The following AFDN variants were observed in gnomAD, a reference collection of about 807,000 sequenced individuals.
AFDN encodes afadin, adherens junction formation factor.
AFDN carries 68 observed loss-of-function variants against 216.6 expected under a neutral mutation model. The observed-to-expected ratio is 0.31, with a 90% confidence interval of 0.26 to 0.38. AFDN has a LOEUF of 0.38. AFDN is among the 10% of genes least tolerant of loss of function. The pLI is 1.00. For synonymous variants in AFDN, 868 were observed against 853.7 expected (o/e 1.02, Z -0.29); for missense variants, 2,136 against 2,342.0 (o/e 0.91, Z 1.82).
intron 1 of AFDN, among the ~76,000 whole-genome samples, chr6:167,853,688 GGTTGTGT>G (rs1286507320): frequency 6.6e-6 from 1 of 152,050 alleles, no homozygotes; most frequent in Non-Finnish European, 1.5e-5. Context: ...ACCAAATACA[GGTTGTGT>G]GTTTGTGTCC....
rs141985907 is a variant in AFDN at position 167,856,478 on chromosome 6, A to G, written c.106-8073A>G. ...GTGAAGTATAATTCTTTATGTGCAC[A>G]TACTCTTAGGTACTATTAAATTGGT... On this transcript the variant is annotated intron_variant, in intron 1 of 33. Coordinates refer to ENST00000683244, the MANE Select transcript of AFDN (RefSeq NM_001386888.1). Among the ~76,000 whole-genome samples the G allele has an allele frequency of 7.8e-3, 1,180 of 152,216 alleles. 9 individuals carry two copies. Among genetic ancestry groups the G allele is most frequent in the Admixed American group, 0.014 (219 of 15,278 alleles).
At chr6:167,897,327 A>G (rs893449895) in intron 10 of AFDN, among the ~76,000 whole-genome samples, 3 of 152,228 alleles carry the variant, frequency 2.0e-5, no homozygotes, top group African/African-American at 7.2e-5. Flanking sequence ...AGCATTAGGC[A>G]TTCGGTAAAT....
intron 9 of AFDN, among the ~76,000 whole-genome samples, chr6:167,894,944 C>T (rs778279823): frequency 6.6e-6 from 1 of 152,160 alleles, no homozygotes; most frequent in Non-Finnish European, 1.5e-5. Flanking sequence ...TTGTTTCACA[C>T]ATGATTACTT....
chr6:167,955,124 A>G (rs1417894024), intron 30 of AFDN, among the ~76,000 whole-genome samples: 1 of 152,180 alleles, frequency 6.6e-6, no homozygotes. Flanking sequence ...ATGCTTGCGT[A>G]TGGTATCTTT....
chr6:167,950,067 G>A (rs1795790037), intron 29 of AFDN, among the ~76,000 whole-genome samples: 1 of 152,130 alleles, frequency 6.6e-6, no homozygotes, highest in African/African-American at 2.4e-5. Context: ...GTTTTTATGT[G>A]GTCCATAGAT....
At chr6:167,911,235 G>A (rs369549951) in intron 14 of AFDN, 49 bp from the exon 15 acceptor site, 4 of 1,602,632 alleles carry the variant, frequency 2.5e-6, no homozygotes, top group African/African-American at 1.3e-5. Context: ...TTTCACATTC[G>A]TTTTTATTCT....
chr6:167,964,523 A>G (rs1430614689), intron 31 of AFDN: 3 of 1,065,834 alleles, frequency 2.8e-6, no homozygotes, highest in Non-Finnish European at 3.4e-6. Flanking sequence ...GATTCAATGA[A>G]AAATTGGGCT....
intron 1 of AFDN, among the ~76,000 whole-genome samples, chr6:167,849,666 C>T (rs1412937026): frequency 6.6e-6 from 1 of 151,992 alleles, no homozygotes; most frequent in African/African-American, 2.4e-5. Context: ...ATGTGTTAGC[C>T]TAGGATATTT....
intron 31 of AFDN, chr6:167,963,868 C>G (rs1268167752): frequency 9.4e-7 from 1 of 1,064,304 alleles, no homozygotes. Context: ...TTTGCTGTTG[C>G]TTTGCTGTTC....
intron 16 of AFDN, 145 bp downstream of exon 16, chr6:167,913,568 CT>C (rs1790676823): frequency 5.8e-6 from 4 of 689,630 alleles, no homozygotes; most frequent in South Asian, 3.9e-5. Flanking sequence ...TACTAAAACC[CT>C]TTTTGACTGT....
In AFDN at chr6:167,879,146, C is replaced by T. The variant is rs192339655; in HGVS notation, c.740-1214C>T. On this transcript the variant is annotated intron_variant, in intron 5 of 33. Coordinates refer to ENST00000683244, the MANE Select transcript of AFDN (RefSeq NM_001386888.1). ...CCTCTGCATTGGAACAGGAGAGCCC[C>T]TGGGCAGTGTGAGTGTGCACATGGT... 2.0e-5 allele frequency among the ~76,000 whole-genome samples: 3 copies of T among 152,272 alleles called. No homozygotes were observed. In the East Asian group the frequency reaches 5.8e-4, roughly 29 times the overall value.
rs746672402 is a variant in AFDN, at chr6:167,969,151, T to C, written c.5295T>C (p.Val1765=). ...ACCCAGGATCTACTGGAGCAGCTGT[T>C]GGAGCCCATGACGCCTGTCGGGATG... The part of the protein sequence containing the change: ...NSYPGSTGAA[V]GAHDACRDAK... The change falls in exon 33 of 34, where the codon GTT becomes GTC. Residue 1765 remains valine (V), a synonymous_variant. Coordinates refer to ENST00000683244, the MANE Select transcript of AFDN (RefSeq NM_001386888.1). The C allele has an allele frequency of 5.0e-6, 8 of 1,614,006 alleles. No individual in the cohort carries two copies. Among genetic ancestry groups the C allele is most frequent in the Non-Finnish European group, 6.8e-6 (8 of 1,179,884 alleles).
At chr6:167,896,517 G>A (rs1157928114) in intron 9 of AFDN, among the ~76,000 whole-genome samples, 1 of 152,188 alleles carries the variant, frequency 6.6e-6, no homozygotes, top group Non-Finnish European at 1.5e-5. Context: ...GATCTGGTCC[G>A]AAGGGAAGGC....
intron 30 of AFDN, among the ~76,000 whole-genome samples, chr6:167,961,085 A>G (rs1329506499): frequency 6.6e-6 from 1 of 152,186 alleles, no homozygotes; most frequent in African/African-American, 2.4e-5. Flanking sequence ...AAAAATACAT[A>G]CAAAATCAAT....
At chr6:167,869,029 G>C (rs1254566987) in intron 2 of AFDN, among the ~76,000 whole-genome samples, 1 of 151,710 alleles carries the variant, frequency 6.6e-6, no homozygotes, top group Admixed American at 6.6e-5. Flanking sequence ...ATCCACCTTG[G>C]CCTCCCAAAG....
rs933217461 is a variant in AFDN at position 167,902,251 on chromosome 6, A to G, written c.1581-66A>G. ...GTATTTTAGTTCTTCCTTGTGTATT[A>G]AGAAGAGACTATGCCTGTCATTGGA... On this transcript the variant is annotated intron_variant, in intron 11 of 33. Coordinates refer to ENST00000683244, the MANE Select transcript of AFDN (RefSeq NM_001386888.1). 62 of 1,185,640 alleles carry G rather than the reference A, an allele frequency of 5.2e-5. No homozygotes were observed. In the Middle Eastern group the frequency reaches 5.8e-4, roughly 11 times the overall value. The allele number at this position is 1,185,640 out of a possible 1,614,324, so 73.4% of individuals were successfully genotyped here. A position where few individuals can be genotyped will look rare whatever the true frequency, so the allele number is the denominator to read the frequency against.
intron 1 of AFDN, among the ~76,000 whole-genome samples, chr6:167,829,523 C>T (rs570942268): frequency 2.3e-4 from 35 of 152,170 alleles, no homozygotes; most frequent in African/African-American, 8.2e-4. Context: ...TCTGCAAGAA[C>T]AGAAGCATTG....
intron 19 of AFDN, among the ~76,000 whole-genome samples, chr6:167,916,166 C>T (rs550024838): frequency 2.1e-4 from 32 of 152,282 alleles, no homozygotes; most frequent in African/African-American, 7.0e-4. Context: ...ATTCTTTGGC[C>T]TGTAGATGCA....
intron 23 of AFDN, among the ~76,000 whole-genome samples, chr6:167,931,751 A>G: frequency 6.6e-6 from 1 of 152,098 alleles, no homozygotes. Flanking sequence ...TCAGGGGTGT[A>G]TTCTGAGTGC....
Sources: allele counts gnomAD v4.1 joint callset (sites outside exome capture counted in the v4.1 genomes callset), GRCh38; gene constraint gnomAD v4.1.1; transcripts MANE v1.5; gene names NCBI Gene and HGNC (gene_info 2026-07-23, HGNC 2026-07-21).